The following SLC8A1 variants were observed in gnomAD, a reference collection of about 807,000 sequenced individuals.
SLC8A1 encodes the protein solute carrier family 8 member A1.
In SLC8A1, 18 loss-of-function variants were observed where a neutral mutation model predicts 68.3. The ratio of observed to expected loss-of-function variants is 0.26; its 90% confidence interval spans 0.18 to 0.39. SLC8A1 has a LOEUF of 0.39. Among genes scored for constraint, SLC8A1 ranks in the 10% least tolerant of loss-of-function variants. SLC8A1 has a pLI of 1.00. For missense variants in SLC8A1, 985 were observed against 1,156.7 expected (o/e 0.85, Z 2.15); for synonymous variants, 475 against 415.5 (o/e 1.14, Z -1.74).
chr2:40,479,076 C>T (rs1483681370), intron 1 of SLC8A1, among the ~76,000 whole-genome samples: 2 of 152,138 alleles, frequency 1.3e-5, no homozygotes, highest in East Asian at 1.9e-4. Flanking sequence ...CCGGCCTCAA[C>T]CACCTAATTT....
intron 2 of SLC8A1, among the ~76,000 whole-genome samples, chr2:40,395,070 A>G (rs1430501132): frequency 6.6e-6 from 1 of 152,218 alleles, no homozygotes; most frequent in Non-Finnish European, 1.5e-5. Context: ...TGATGTCCAG[A>G]AAACAGGGAC....
intron 7 of SLC8A1, among the ~76,000 whole-genome samples, chr2:40,138,770 G>A (rs2041007860): frequency 6.6e-6 from 1 of 152,142 alleles, no homozygotes; most frequent in Non-Finnish European, 1.5e-5. Flanking sequence ...AGAAATATGA[G>A]TAAACATAAT....
At chr2:40,208,536 A>G (rs897930560) in intron 2 of SLC8A1, 1 of 152,142 alleles carries the variant, frequency 6.6e-6, no homozygotes, top group African/African-American at 2.4e-5. Context: ...TGAGAATCCA[A>G]CAGGAACTCC....
At chr2:40,399,673 T>C (rs969023989) in intron 2 of SLC8A1, among the ~76,000 whole-genome samples, 1 of 152,122 alleles carries the variant, frequency 6.6e-6, no homozygotes, top group African/African-American at 2.4e-5. Context: ...ATTAAGTAAA[T>C]AGCCCCTGTC....
chr2:40,466,725 T>C (rs1703695972), intron 1 of SLC8A1, among the ~76,000 whole-genome samples: 1 of 152,178 alleles, frequency 6.6e-6, no homozygotes, highest in Admixed American at 6.5e-5. Flanking sequence ...TAATACCTAA[T>C]AATTCATGTT....
At chr2:40,138,204 G>A (rs867958441) in intron 7 of SLC8A1, among the ~76,000 whole-genome samples, 5 of 152,162 alleles carry the variant, frequency 3.3e-5, no homozygotes, top group African/African-American at 1.2e-4. Context: ...GTCACTGGAC[G>A]ATAAATAGCT....
chr2:40,244,013 T>G (rs2061531023), intron 2 of SLC8A1, among the ~76,000 whole-genome samples: 1 of 151,254 alleles, frequency 6.6e-6, no homozygotes, highest in Non-Finnish European at 1.5e-5. Flanking sequence ...GTCTAGGGTC[T>G]GGGGGACAAC....
exon 8 of SLC8A1, chr2:40,101,935 T>G (rs1456301603): frequency 6.6e-6 from 1 of 152,116 alleles, no homozygotes; most frequent in Non-Finnish European, 1.5e-5. Flanking sequence ...TGCTGCTTGT[T>G]TGGGGAACAA....
intron 1 of SLC8A1, among the ~76,000 whole-genome samples, chr2:40,449,424 C>A (rs1022842924): frequency 2.6e-5 from 4 of 152,124 alleles, no homozygotes; most frequent in African/African-American, 7.2e-5. Flanking sequence ...TTAAACATAG[C>A]TTTTTAACAG....
chr2:40,475,697 T>G, intron 1 of SLC8A1, among the ~76,000 whole-genome samples: 1 of 152,154 alleles, frequency 6.6e-6, no homozygotes, highest in Middle Eastern at 3.4e-3. Flanking sequence ...AATACATATT[T>G]TTTACAAAAA....
At chr2:40,306,452 T>TG (rs35155626) in intron 2 of SLC8A1, among the ~76,000 whole-genome samples, 31,104 of 145,016 alleles carry the variant, frequency 0.21, 3,440 homozygotes, top group East Asian at 0.33. Flanking sequence ...GGAATGGTTG[T>TG]GGGGGGGGGC....
At chr2:40,406,992 G>A (rs1280585593) in intron 2 of SLC8A1, among the ~76,000 whole-genome samples, 1 of 152,058 alleles carries the variant, frequency 6.6e-6, no homozygotes, top group Non-Finnish European at 1.5e-5. Flanking sequence ...GTGGACTGAG[G>A]ACTAGGCTTA....
intron 2 of SLC8A1, among the ~76,000 whole-genome samples, chr2:40,380,795 G>A (rs1039020736): frequency 6.6e-6 from 1 of 152,050 alleles, no homozygotes; most frequent in African/African-American, 2.4e-5. Flanking sequence ...TACTAACCTG[G>A]CTACAGCTAG....
intron 1 of SLC8A1, among the ~76,000 whole-genome samples, chr2:40,475,591 A>G (rs1704243732): frequency 6.6e-6 from 1 of 152,112 alleles, no homozygotes; most frequent in African/African-American, 2.4e-5. Context: ...ATAAATACAT[A>G]TGTACATGAC....
chr2:40,465,254 T>C (rs114361423), intron 1 of SLC8A1, among the ~76,000 whole-genome samples: 1,713 of 152,328 alleles, frequency 0.011, 21 homozygotes, highest in Middle Eastern at 0.024. Context: ...CAATTGTCCT[T>C]CATGCCTTAT....
intron 2 of SLC8A1, among the ~76,000 whole-genome samples, chr2:40,233,283 T>C (rs2059925230): frequency 6.6e-6 from 1 of 152,226 alleles, no homozygotes; most frequent in Non-Finnish European, 1.5e-5. Context: ...TTTTTAATGA[T>C]CACCATTCTA....
At chr2:40,166,876 G>T (rs61295272) in intron 4 of SLC8A1, among the ~76,000 whole-genome samples, 1 of 152,228 alleles carries the variant, frequency 6.6e-6, no homozygotes, top group Admixed American at 6.5e-5. Flanking sequence ...GGTTTTCTCA[G>T]AAGAAGGAAT....
At chr2:40,213,259 A>C (rs2056921322) in intron 2 of SLC8A1, 1 of 152,144 alleles carries the variant, frequency 6.6e-6, no homozygotes, top group Non-Finnish European at 1.5e-5. Flanking sequence ...CCTACCATTG[A>C]AGATGTTTAT....
intron 7 of SLC8A1, among the ~76,000 whole-genome samples, chr2:40,135,611 G>T (rs1023189901): frequency 5.3e-5 from 8 of 152,114 alleles, no homozygotes; most frequent in African/African-American, 1.9e-4. Flanking sequence ...CCAGCTACTC[G>T]GGAGGCTGAG....
Sources: allele counts gnomAD v4.1 joint callset (sites outside exome capture counted in the v4.1 genomes callset), GRCh38; gene constraint gnomAD v4.1.1; transcripts MANE v1.5; gene names NCBI Gene and HGNC (gene_info 2026-07-23, HGNC 2026-07-21).